SVIL: variants seen among roughly 807,000 people sequenced by gnomAD.
SVIL encodes archvillin.
Under a neutral mutation model 240.4 loss-of-function variants are expected in SVIL, and 101 were observed. That is an observed-to-expected ratio of 0.42 (90% CI 0.36 to 0.50). The LOEUF is 0.50. SVIL is among the 20% of genes least tolerant of loss of function. SVIL has a pLI of 0.01. For missense variants in SVIL, 2,512 were observed against 2,818.7 expected (o/e 0.89, Z 2.46); for synonymous variants, 999 against 1,100.0 (o/e 0.91, Z 1.82).
chr10:29,550,134 T>C (rs971271817), intron 6 of SVIL, among the ~76,000 whole-genome samples: 1 of 150,884 alleles, frequency 6.6e-6, no homozygotes, highest in Non-Finnish European at 1.5e-5. Context: ...TGTTTTGATA[T>C]GGCTGAAATG....
In SVIL at chr10:29,493,470, T is replaced by G. The variant is rs1162353401; in HGVS notation, c.3842-79A>C. 19 of 1,469,838 alleles carry G rather than the reference T, an allele frequency of 1.3e-5. No homozygotes were observed. In the Admixed American group the frequency reaches 3.7e-4, roughly 28 times the overall value. The allele number at this position is 1,469,838 out of a possible 1,614,324, so 91.0% of individuals were successfully genotyped here. On this transcript the variant is annotated intron_variant, in intron 20 of 37. Coordinates refer to ENST00000355867, the MANE Select transcript of SVIL (RefSeq NM_021738.3). ...TTATGCTTCACAATAGTTTAAAAAT[T>G]CTATTGCCTCCTAAGTTCCAGGAGT...
chr10:29,694,554 G>C, intron 1 of SVIL, among the ~76,000 whole-genome samples: 1 of 152,050 alleles, frequency 6.6e-6, no homozygotes, highest in East Asian at 1.9e-4. Flanking sequence ...CCACCTCCCG[G>C]GTTCAAGTGA....
chr10:29,662,483 C>G (rs543636864), intron 2 of SVIL, among the ~76,000 whole-genome samples: 31 of 152,298 alleles, frequency 2.0e-4, no homozygotes, highest in African/African-American at 7.5e-4. Flanking sequence ...ATCAACAAGA[C>G]CATCTCCCCA....
intron 1 of SVIL, among the ~76,000 whole-genome samples, chr10:29,608,759 G>A (rs1322372005): frequency 6.6e-6 from 1 of 152,242 alleles, no homozygotes; most frequent in Admixed American, 6.5e-5. Context: ...CAGATAGCCT[G>A]CGTGCCATGG....
At chr10:29,677,890 G>T (rs1193853131) in intron 2 of SVIL, among the ~76,000 whole-genome samples, 2 of 152,086 alleles carry the variant, frequency 1.3e-5, no homozygotes, top group African/African-American at 2.4e-5. Context: ...TCAACTCAAA[G>T]AAACTACAAT....
chr10:29,507,622 C>CACA, intron 17 of SVIL: 41 of 287,108 alleles, frequency 1.4e-4, no homozygotes, highest in South Asian at 2.7e-4. Context: ...CACACACACA[C>CACA]CTCTCTTTCA....
intron 21 of SVIL, among the ~76,000 whole-genome samples, chr10:29,491,246 A>C (rs147268770): frequency 0.015 from 2,278 of 152,198 alleles, 43 homozygotes; most frequent in Admixed American, 0.059. Context: ...CCACTCACTC[A>C]TGCCCCTTGG....
chr10:29,506,816 C>CAGGGAAGGGACAGAGGCCCTAGG (rs1280023847), intron 17 of SVIL, among the ~76,000 whole-genome samples: 22 of 129,530 alleles, frequency 1.7e-4, no homozygotes, highest in South Asian at 7.5e-4. Flanking sequence ...AGAGGGCCTA[C>CAGGGAAGGGACAGAGGCCCTAGG]AGGGAAGGGA....
intron 1 of SVIL, among the ~76,000 whole-genome samples, chr10:29,718,658 A>G (rs1206402910): frequency 6.6e-6 from 1 of 152,184 alleles, no homozygotes; most frequent in African/African-American, 2.4e-5. Context: ...CAAATAGGAG[A>G]GAACTACACA....
intron 1 of SVIL, among the ~76,000 whole-genome samples, chr10:29,589,418 G>A (rs1464688009): frequency 6.6e-6 from 1 of 152,166 alleles, no homozygotes; most frequent in Non-Finnish European, 1.5e-5. Flanking sequence ...GAAACTGTGG[G>A]GACTTCACCA....
At chr10:29,723,679 A>G (rs561949036) in intron 1 of SVIL, among the ~76,000 whole-genome samples, 1 of 152,312 alleles carries the variant, frequency 6.6e-6, no homozygotes, top group South Asian at 2.1e-4. Context: ...TCATTCTCCT[A>G]TTTACCTATA....
intron 1 of SVIL, among the ~76,000 whole-genome samples, chr10:29,691,563 G>A (rs944134098): frequency 4.6e-5 from 7 of 152,186 alleles, no homozygotes; most frequent in African/African-American, 1.7e-4. Flanking sequence ...TCCAGCTTCT[G>A]TGACCAAAAT....
intron 6 of SVIL, among the ~76,000 whole-genome samples, chr10:29,548,849 G>C (rs901158811): frequency 1.5e-4 from 23 of 152,306 alleles, no homozygotes; most frequent in Non-Finnish European, 2.1e-4. Context: ...ACTATGAAAG[G>C]GGTGTGAGAA....
rs1414935725 is a variant in SVIL at position 29,702,179 on chromosome 10, A to AAG, written c.-399-15529_-399-15528insCT. Among the ~76,000 whole-genome samples the AAG allele has an allele frequency of 4.0e-5, 6 of 150,504 alleles. No individual in the cohort carries two copies. In the East Asian group the frequency reaches 1.2e-3, roughly 29 times the overall value. On this transcript the variant is annotated intron_variant, in intron 1 of 35. Transcript: ENST00000375400. ...AATAGAGCGAGACTCCATCTCCAAA[A>AAG]AAAAAAAAAAAAAAAAAAGTAAAGA...
intron 2 of SVIL, among the ~76,000 whole-genome samples, chr10:29,665,227 C>CAAAAAA (rs58164251): frequency 3.0e-5 from 2 of 67,380 alleles, no homozygotes; most frequent in Admixed American, 1.9e-4. Context: ...GATCTTGTCT[C>CAAAAAA]AAAAAAAAAA....
chr10:29,465,383 C>T (rs1290902407), intron 34 of SVIL, among the ~76,000 whole-genome samples: 3 of 152,162 alleles, frequency 2.0e-5, no homozygotes, highest in Admixed American at 2.0e-4. Flanking sequence ...TGACTTGAGT[C>T]TCGTTCCTTA....
chr10:29,542,255 C>G (rs1952227464), intron 6 of SVIL, among the ~76,000 whole-genome samples: 1 of 152,164 alleles, frequency 6.6e-6, no homozygotes, highest in African/African-American at 2.4e-5. Context: ...AACATTCATT[C>G]AAAAATGATT....
intron 1 of SVIL, among the ~76,000 whole-genome samples, chr10:29,696,209 C>T (rs1961977902): frequency 1.3e-5 from 2 of 151,944 alleles, no homozygotes; most frequent in South Asian, 2.1e-4. Context: ...CAGCCTCGGC[C>T]TCCCGAGGTG....
At chr10:29,707,516 G>A (rs1473262722) in intron 1 of SVIL, among the ~76,000 whole-genome samples, 8 of 152,084 alleles carry the variant, frequency 5.3e-5, no homozygotes, top group Non-Finnish European at 8.8e-5. Context: ...TCTCCAAATT[G>A]TATGCCATTA....
Sources: gnomAD v4.1 joint callset for allele counts (sites outside exome capture counted in the v4.1 genomes callset) on GRCh38, gnomAD v4.1.1 for gene constraint, MANE v1.5 for transcripts, NCBI Gene and HGNC (gene_info 2026-07-23, HGNC 2026-07-21) for gene names.